SOD1: variants seen among roughly 807,000 people sequenced by gnomAD.
SOD1 encodes the protein superoxide dismutase 1.
SOD1 carries 8 observed loss-of-function variants against 15.9 expected under a neutral mutation model. The observed-to-expected ratio is 0.50, with a 90% confidence interval of 0.30 to 0.91. The LOEUF (loss-of-function observed/expected upper bound fraction) is 0.91, where lower values mean the gene tolerates loss of function less well. Ranked by LOEUF, SOD1 falls within the 40% of genes least tolerant of loss-of-function variation. SOD1 has a pLI of 0.07. For missense variants in SOD1, 137 were observed against 194.5 expected (o/e 0.70, Z 1.76); for synonymous variants, 86 against 71.2 (o/e 1.21, Z -1.04).
At position 31,659,694 on chromosome 21, in the gene SOD1, C is replaced by T. The variant is rs907404744; in HGVS notation, c.-76C>T. ...GTCGCGGAGACGGGGTGCTGGTTTG[C>T]GTCGTAGTCTCCTGCAGCGTCTGGG... On this transcript the variant is annotated 5_prime_UTR_variant, in exon 1 of 5. Transcript: ENST00000270142. 15 of 1,475,166 alleles carry T rather than the reference C, an allele frequency of 1.0e-5. No homozygotes were observed. The highest frequency in any genetic ancestry group is 2.3e-5 in the South Asian group (2 of 88,122). 91.4% of individuals were successfully genotyped at this position (1,475,166 alleles called of 1,614,324 possible).
At chr21:31,666,810 T>C in intron 3 of SOD1, 1 of 457,294 alleles carries the variant, frequency 2.2e-6, no homozygotes, top group Non-Finnish European at 3.9e-6. Flanking sequence ...TGAACAGTAC[T>C]GTCAACCACT....
intron 1 of SOD1, among the ~76,000 whole-genome samples, chr21:31,662,478 G>C (rs577972406): frequency 6.6e-6 from 1 of 152,124 alleles, no homozygotes; most frequent in African/African-American, 2.4e-5. Context: ...TGGATGTTGT[G>C]TTTATTTTAG....
At chr21:31,665,187 T>TA (rs1451171523) in intron 2 of SOD1, among the ~76,000 whole-genome samples, 2 of 152,162 alleles carry the variant, frequency 1.3e-5, no homozygotes, top group African/African-American at 2.4e-5. Context: ...AAAGTATTTT[T>TA]AAAAAATCAG....
chr21:31,666,892 A>G, intron 3 of SOD1: 1 of 396,218 alleles, frequency 2.5e-6, no homozygotes, highest in Non-Finnish European at 4.6e-6. Context: ...ACTGAAAACT[A>G]GTCGAGACTC....
At chr21:31,659,958 C>T (rs970110765) in intron 1 of SOD1, 117 bp downstream of exon 1, 6 of 998,776 alleles carry the variant, frequency 6.0e-6, no homozygotes, top group African/African-American at 4.9e-5. Flanking sequence ...GTCCAGCGCC[C>T]GGTCCCGGCC....
At chr21:31,660,561 G>C (rs1294561019) in intron 1 of SOD1, 2 of 152,194 alleles carry the variant, frequency 1.3e-5, no homozygotes, top group African/African-American at 4.8e-5. Context: ...TAAGCTCCGG[G>C]AGCCAGAGGT....
intron 2 of SOD1, chr21:31,664,310 T>C: frequency 7.1e-6 from 2 of 282,254 alleles, no homozygotes; most frequent in South Asian, 7.8e-5. Flanking sequence ...AGGTCAACTT[T>C]ATTGTATATA....
chr21:31,660,390 A>T (rs995868632), intron 1 of SOD1: 8 of 152,228 alleles, frequency 5.3e-5, no homozygotes, highest in African/African-American at 1.9e-4. Flanking sequence ...TAAGGCTAGG[A>T]ATGGTTTTTA....
chr21:31,660,721 G>GT (rs1169334534), intron 1 of SOD1: 2 of 152,190 alleles, frequency 1.3e-5, no homozygotes, highest in Non-Finnish European at 2.9e-5. Flanking sequence ...GAGTATTGCT[G>GT]TTTTTTGAAA....
At chr21:31,665,162 A>T (rs530728999) in intron 2 of SOD1, among the ~76,000 whole-genome samples, 2 of 152,236 alleles carry the variant, frequency 1.3e-5, no homozygotes, top group African/African-American at 4.8e-5. Context: ...GAATATGCTT[A>T]AAAAAAATTT....
chr21:31,659,717 G>T lies in SOD1; in HGVS notation c.-53G>T. ...TGCGTCGTAGTCTCCTGCAGCGTCT[G>T]GGGTTTCCGTTGCAGTCCTCGGAAC... On this transcript the variant is annotated 5_prime_UTR_variant, in exon 1 of 5. Transcript: ENST00000270142. 6.4e-7 allele frequency: 1 copy of T among 1,573,268 alleles called. No homozygotes were observed. Among genetic ancestry groups the T allele is most frequent in the Non-Finnish European group, 8.7e-7 (1 of 1,143,258 alleles).
At position 31,667,131 on chromosome 21, in the gene SOD1, T is replaced by C. The variant is rs987425171; in HGVS notation, c.240-127T>C. On this transcript the variant is annotated intron_variant, in intron 3 of 4. Coordinates refer to ENST00000270142, the MANE Select transcript of SOD1 (RefSeq NM_000454.5). Reference sequence around the variant, plus strand: ...ACGTGAAGCCTTGTTTGAAGAGCTGTATTTAGAATGCCTAGCTACTTGTTT... The same window carrying C: ...ACGTGAAGCCTTGTTTGAAGAGCTGCATTTAGAATGCCTAGCTACTTGTTT... 5.6e-6 allele frequency: 4 copies of C among 717,946 alleles called. No homozygotes were observed. The African/African-American group carries it at 7.0e-5, about 13-fold the overall frequency. The allele number at this position is 717,946 out of a possible 1,614,324, so 44.5% of individuals were successfully genotyped here.
In SOD1 at chr21:31,668,475, A is replaced by G. The variant is rs1410925719; in HGVS notation, c.362A>G (p.His121Arg). The change falls in exon 5 of 5, where the codon CAT (histidine) becomes CGT (arginine). Residue 121 changes from histidine (H) to arginine (R), a missense_variant. His to Arg is a conservative substitution (Grantham distance 29). Coordinates refer to ENST00000270142, the MANE Select transcript of SOD1 (RefSeq NM_000454.5). ...HCIIGRTLVVHEKADDLGKGG... is the reference protein window; with the variant it reads ...HCIIGRTLVVREKADDLGKGG... ...TCTTCTTAAAATTTTTTACAGGTCC[A>G]TGAAAAAGCAGATGACTTGGGCAAA... The G allele has an allele frequency of 1.2e-6, 2 of 1,613,648 alleles. No individual in the cohort carries two copies. The highest frequency in any genetic ancestry group is 3.3e-5 in the Admixed American group (2 of 60,028).
chr21:31,666,035 G>A (rs935050329), intron 2 of SOD1, among the ~76,000 whole-genome samples: 7 of 149,304 alleles, frequency 4.7e-5, no homozygotes, highest in Admixed American at 3.4e-4. Context: ...GCAGTGGTGC[G>A]ATCTCAGCTC....
At chr21:31,665,497 T>C (rs1158771166) in intron 2 of SOD1, among the ~76,000 whole-genome samples, 1 of 152,216 alleles carries the variant, frequency 6.6e-6, no homozygotes, top group Non-Finnish European at 1.5e-5. Context: ...AGGTGATTGC[T>C]CTGCTGCTTC....
At chr21:31,660,871 A>G (rs2049543032) in intron 1 of SOD1, among the ~76,000 whole-genome samples, 1 of 152,238 alleles carries the variant, frequency 6.6e-6, no homozygotes, top group Admixed American at 6.5e-5. Flanking sequence ...TTGTCGGAGC[A>G]TTTCTTAAGC....
At chr21:31,663,993 A>T (rs1415781522) in intron 2 of SOD1, 107 bp downstream of exon 2, 1 of 843,080 alleles carries the variant, frequency 1.2e-6, no homozygotes, top group Non-Finnish European at 2.0e-6. Flanking sequence ...TGTTTTTGAG[A>T]AAGGGTCTTG....
chr21:31,666,701 A>G, intron 3 of SOD1, 183 bp downstream of exon 3: 1 of 650,874 alleles, frequency 1.5e-6, no homozygotes. Context: ...GCTTAAAGGA[A>G]TTGACAAATG....
At chr21:31,667,122 G>T in intron 3 of SOD1, 136 bp from the exon 4 acceptor site, 1 of 706,128 alleles carries the variant, frequency 1.4e-6, no homozygotes. Context: ...AGCCTTGTTT[G>T]AAGAGCTGTA....
Sources: allele counts gnomAD v4.1 joint callset (sites outside exome capture counted in the v4.1 genomes callset), GRCh38; gene constraint gnomAD v4.1.1; transcripts MANE v1.5; gene names NCBI Gene and HGNC (gene_info 2026-07-23, HGNC 2026-07-21).